LCORL: variants seen among roughly 807,000 people sequenced by gnomAD.
LCORL encodes the protein ligand-dependent nuclear receptor corepressor-like protein.
In LCORL, 41 loss-of-function variants were observed where a neutral mutation model predicts 141.8. That is an observed-to-expected ratio of 0.29 (90% confidence interval 0.23 to 0.38). LCORL has a LOEUF of 0.38. LCORL is among the 10% of genes least tolerant of loss of function. LCORL has a pLI of 1.00. For synonymous variants in LCORL, 618 were observed against 694.1 expected (o/e 0.89, Z 1.72); for missense variants, 1,759 against 2,035.0 (o/e 0.86, Z 2.61).
intron 1 of LCORL, among the ~76,000 whole-genome samples, chr4:17,985,269 G>A (rs964059569): frequency 1.3e-5 from 2 of 152,194 alleles, no homozygotes; most frequent in African/African-American, 4.8e-5. Flanking sequence ...GGAGAGTCCC[G>A]TAGAGGTCTA....
chr4:17,926,915 T>TA (rs1735242092), intron 4 of LCORL, among the ~76,000 whole-genome samples: 1 of 152,228 alleles, frequency 6.6e-6, no homozygotes, highest in Non-Finnish European at 1.5e-5. Context: ...AAAGCCATAG[T>TA]TGCATTAGGC....
intron 6 of LCORL, chr4:17,883,691 C>G: frequency 1.3e-6 from 2 of 1,498,194 alleles, no homozygotes; most frequent in Non-Finnish European, 1.8e-6. Context: ...CACACACACA[C>G]ACTCACAAAC....
intron 5 of LCORL, among the ~76,000 whole-genome samples, chr4:17,900,410 C>T (rs913202572): frequency 6.6e-6 from 1 of 152,102 alleles, no homozygotes; most frequent in Non-Finnish European, 1.5e-5. Context: ...TTTCTTCTGA[C>T]TTAAATGCCC....
chr4:17,995,127 A>G (rs1245966458), intron 1 of LCORL, among the ~76,000 whole-genome samples: 1 of 151,842 alleles, frequency 6.6e-6, no homozygotes, highest in Non-Finnish European at 1.5e-5. Context: ...AAGAAAGACA[A>G]CCCATTTTTT....
At chr4:17,872,693 T>A (rs905112119) in intron 7 of LCORL, among the ~76,000 whole-genome samples, 1 of 152,148 alleles carries the variant, frequency 6.6e-6, no homozygotes, top group Non-Finnish European at 1.5e-5. Context: ...ATGATTCTCT[T>A]TTGCTAGTTA....
At chr4:17,965,035 T>C (rs868845251) in intron 2 of LCORL, among the ~76,000 whole-genome samples, 1 of 152,042 alleles carries the variant, frequency 6.6e-6, no homozygotes, top group Admixed American at 6.6e-5. Flanking sequence ...CAATTGCCAG[T>C]TGTAAGATAA....
At chr4:18,009,730 T>C (rs1266357803) in intron 1 of LCORL, among the ~76,000 whole-genome samples, 1 of 151,980 alleles carries the variant, frequency 6.6e-6, no homozygotes, top group African/African-American at 2.4e-5. Flanking sequence ...CCTTCCCCCA[T>C]ACCAGGCCAC....
intron 2 of LCORL, among the ~76,000 whole-genome samples, chr4:17,966,062 A>G (rs1361965248): frequency 3.3e-5 from 5 of 152,132 alleles, no homozygotes. Flanking sequence ...CTAAAAACTG[A>G]TTTTTCATTA....
chr4:17,972,866 T>C, exon 2 of LCORL: 2 of 1,434,478 alleles, frequency 1.4e-6, no homozygotes, highest in South Asian at 1.6e-5. Flanking sequence ...CATAAAGCCC[T>C]TCTAAAATAC....
At chr4:18,000,469 G>A (rs1304941304) in intron 1 of LCORL, among the ~76,000 whole-genome samples, 1 of 152,136 alleles carries the variant, frequency 6.6e-6, no homozygotes, top group Non-Finnish European at 1.5e-5. Context: ...TCAAAATTAA[G>A]AATGTGTAAT....
At chr4:17,998,436 CT>C (rs932785860) in intron 1 of LCORL, among the ~76,000 whole-genome samples, 8 of 151,812 alleles carry the variant, frequency 5.3e-5, no homozygotes, top group African/African-American at 1.7e-4. Flanking sequence ...TCTATTTAAA[CT>C]TTTTTTTAAA....
At chr4:17,909,034 A>T (rs1732093122) in intron 5 of LCORL, 60 bp downstream of exon 5, 11 of 1,396,980 alleles carry the variant, frequency 7.9e-6, no homozygotes, top group Non-Finnish European at 1.1e-5. Flanking sequence ...AAAGTTATAA[A>T]TATACATTTA....
At chr4:17,876,825 T>C (rs955430228) in exon 7 of LCORL, 4 of 1,230,698 alleles carry the variant, frequency 3.3e-6, no homozygotes, top group Non-Finnish European at 4.1e-6. Context: ...GGAAGTTGTT[T>C]TAAAGCTTTC....
At chr4:17,960,821 A>G (rs1389996440) in intron 4 of LCORL, among the ~76,000 whole-genome samples, 2 of 152,034 alleles carry the variant, frequency 1.3e-5, no homozygotes, top group East Asian at 1.9e-4. Context: ...GATAATGCAG[A>G]TTTCTCAACA....
chr4:17,863,246 G>A (rs913133369), intron 7 of LCORL, among the ~76,000 whole-genome samples: 2 of 152,210 alleles, frequency 1.3e-5, no homozygotes, highest in African/African-American at 4.8e-5. Flanking sequence ...AACATGGGAG[G>A]TGGAGGTGGC....
rs559797771 is a variant in LCORL, at chr4:17,875,409, C to G, written c.3581G>C (p.Gly1194Ala). The change falls in exon 7 of 8, where the codon GGT becomes GCT. Residue 1194 changes from glycine to alanine, a missense_variant. Physicochemically the swap from Gly to Ala is moderately conservative, Grantham distance 60. Transcript: ENST00000635767. Reference sequence around the variant, plus strand: ...GCTTGCTACAGCACTTATTCTTTCACCCAAGTCAATTTTGTCTTCACTAAT... The same window carrying G: ...GCTTGCTACAGCACTTATTCTTTCAGCCAAGTCAATTTTGTCTTCACTAAT... The G allele has an allele frequency of 3.2e-6, 4 of 1,231,372 alleles. No homozygotes were observed. In the South Asian group the frequency reaches 1.6e-4, roughly 51 times the overall value. 76.3% of individuals were successfully genotyped at this position (1,231,372 alleles called of 1,614,324 possible).
chr4:17,927,114 T>G (rs541176487), intron 4 of LCORL, among the ~76,000 whole-genome samples: 1 of 152,370 alleles, frequency 6.6e-6, no homozygotes, highest in Non-Finnish European at 1.5e-5. Context: ...GATAGCCTGC[T>G]GCAGCTTCCG....
intron 1 of LCORL, among the ~76,000 whole-genome samples, chr4:17,982,240 G>A (rs1167795826): frequency 6.6e-6 from 1 of 151,966 alleles, no homozygotes; most frequent in Admixed American, 6.6e-5. Context: ...ATGAACATAT[G>A]CGTGCATGTG....
chr4:18,008,937 G>A (rs1409964788), intron 1 of LCORL, among the ~76,000 whole-genome samples: 1 of 152,024 alleles, frequency 6.6e-6, no homozygotes, highest in Non-Finnish European at 1.5e-5. Context: ...CCAACCATTT[G>A]AGAGTAAATG....
Sources: gnomAD v4.1 joint callset for allele counts (sites outside exome capture counted in the v4.1 genomes callset) on GRCh38, gnomAD v4.1.1 for gene constraint, MANE v1.5 for transcripts, NCBI Gene and HGNC (gene_info 2026-07-23, HGNC 2026-07-21) for gene names.